The following PTPRT variants were observed in gnomAD, a reference collection of about 807,000 sequenced individuals.
PTPRT encodes the protein receptor-type tyrosine-protein phosphatase T.
Under a neutral mutation model 176.8 loss-of-function variants are expected in PTPRT, and 56 were observed. The ratio of observed to expected loss-of-function variants is 0.32; its 90% CI spans 0.26 to 0.40. The LOEUF (loss-of-function observed/expected upper bound fraction) is 0.40, where lower values mean the gene tolerates loss of function less well. Ranked by LOEUF, PTPRT falls within the 10% of genes least tolerant of loss-of-function variation. PTPRT has a pLI of 1.00. For synonymous variants in PTPRT, 783 were observed against 739.0 expected (o/e 1.06, Z -0.96); for missense variants, 1,540 against 1,908.2 (o/e 0.81, Z 3.60).
At chr20:42,047,075 G>A in the PTPRT span, among the ~76,000 whole-genome samples, 1 of 152,130 alleles carries the variant, frequency 6.6e-6, no homozygotes, top group Admixed American at 6.5e-5. Context: ...TCTCCAATGA[G>A]GAAATGAAAA....
intron 14 of PTPRT, among the ~76,000 whole-genome samples, chr20:42,242,416 T>C (rs914085760): frequency 3.9e-5 from 6 of 152,306 alleles, no homozygotes; most frequent in Admixed American, 3.3e-4. Context: ...CAGCTGATGG[T>C]CTAGTGAGGA....
At chr20:42,763,679 A>T (rs140909132) in intron 5 of PTPRT, among the ~76,000 whole-genome samples, 1 of 152,316 alleles carries the variant, frequency 6.6e-6, no homozygotes, top group East Asian at 1.9e-4. Context: ...AATCTAGCCC[A>T]TTGATTCTCT....
intron 7 of PTPRT, among the ~76,000 whole-genome samples, chr20:42,600,268 TA>T (rs2073753510): frequency 6.6e-6 from 1 of 152,096 alleles, no homozygotes; most frequent in African/African-American, 2.4e-5. Flanking sequence ...GCCTCCTGAA[TA>T]GCTGGGACTA....
intron 9 of PTPRT, among the ~76,000 whole-genome samples, chr20:42,388,537 A>G (rs2058767119): frequency 2.0e-5 from 3 of 152,234 alleles, no homozygotes; most frequent in Non-Finnish European, 4.4e-5. Context: ...GCTCATCATC[A>G]CTGGCCATCA....
intron 7 of PTPRT, among the ~76,000 whole-genome samples, chr20:42,569,570 C>G (rs1017791585): frequency 1.3e-5 from 2 of 152,170 alleles, no homozygotes; most frequent in Non-Finnish European, 2.9e-5. Context: ...CTCACTCCTG[C>G]CTGCTCCTCT....
At chr20:42,776,734 T>TAAGCATATA (rs2077141856) in intron 4 of PTPRT, among the ~76,000 whole-genome samples, 2 of 148,658 alleles carry the variant, frequency 1.3e-5, no homozygotes, top group Non-Finnish European at 3.0e-5. Flanking sequence ...TATAATTATA[T>TAAGCATATA]ATGATATGCT....
intron 7 of PTPRT, among the ~76,000 whole-genome samples, chr20:42,504,933 A>C (rs1485966722): frequency 6.6e-6 from 1 of 152,174 alleles, no homozygotes; most frequent in Admixed American, 6.5e-5. Flanking sequence ...ATGCATACAC[A>C]TCTGTGAAAT....
intron 6 of PTPRT, among the ~76,000 whole-genome samples, chr20:42,725,919 C>G (rs2076372023): frequency 6.6e-6 from 1 of 151,988 alleles, no homozygotes. Context: ...CTTTTATGCC[C>G]CTTTTGATTA....
At chr20:42,980,393 T>C (rs754403271) in intron 1 of PTPRT, among the ~76,000 whole-genome samples, 39 of 152,206 alleles carry the variant, frequency 2.6e-4, no homozygotes, top group Non-Finnish European at 1.5e-4. Flanking sequence ...ATAGATGAAC[T>C]TGTATTCGTG....
At chr20:43,124,133 A>G (rs553393016) in intron 1 of PTPRT, among the ~76,000 whole-genome samples, 7 of 152,208 alleles carry the variant, frequency 4.6e-5, no homozygotes, top group Admixed American at 2.0e-4. Context: ...TCCTCTCCCA[A>G]TTCCATCCAG....
intron 16 of PTPRT, among the ~76,000 whole-genome samples, chr20:42,164,307 A>C (rs1412876971): frequency 6.6e-6 from 1 of 152,234 alleles, no homozygotes; most frequent in African/African-American, 2.4e-5. Flanking sequence ...AATGTTTCCA[A>C]AACCAAATAG....
At chr20:42,685,606 T>C (rs1177310323) in intron 6 of PTPRT, 1 of 152,212 alleles carries the variant, frequency 6.6e-6, no homozygotes, top group African/African-American at 2.4e-5. Context: ...TAAATTCCTA[T>C]GAAAAAGTCT....
At chr20:42,726,567 G>A (rs2076384504) in intron 6 of PTPRT, among the ~76,000 whole-genome samples, 1 of 152,238 alleles carries the variant, frequency 6.6e-6, no homozygotes. Flanking sequence ...GGCAAAAGGG[G>A]CTGGTCCAGC....
intron 9 of PTPRT, among the ~76,000 whole-genome samples, chr20:42,437,185 G>C (rs889035650): frequency 4.6e-5 from 7 of 152,088 alleles, no homozygotes; most frequent in Non-Finnish European, 1.0e-4. Flanking sequence ...AAAAATTAAT[G>C]AGTAAATAAA....
intron 17 of PTPRT, among the ~76,000 whole-genome samples, chr20:42,142,219 C>A (rs191674038): frequency 1.1e-4 from 17 of 152,302 alleles, no homozygotes; most frequent in African/African-American, 4.1e-4. Flanking sequence ...TCTTCTGTGT[C>A]ATGAGTTCAC....
chr20:43,181,928 C>G (rs1474693578), intron 1 of PTPRT, among the ~76,000 whole-genome samples: 1 of 152,120 alleles, frequency 6.6e-6, no homozygotes, highest in East Asian at 1.9e-4. Context: ...GAAGGAGCTT[C>G]CAATAGCCAA....
intron 9 of PTPRT, among the ~76,000 whole-genome samples, chr20:42,396,170 C>T (rs1190162004): frequency 1.3e-5 from 2 of 152,186 alleles, no homozygotes; most frequent in African/African-American, 2.4e-5. Flanking sequence ...TTTCCTATCT[C>T]AGTTAATAGC....
At chr20:42,600,501 T>C (rs995772762) in intron 7 of PTPRT, among the ~76,000 whole-genome samples, 17 of 152,152 alleles carry the variant, frequency 1.1e-4, no homozygotes, top group Admixed American at 1.3e-4. Flanking sequence ...GGTACAATTG[T>C]AGTTGTGTTA....
At chr20:42,561,120 T>C (rs1000544797) in intron 7 of PTPRT, among the ~76,000 whole-genome samples, 3 of 152,204 alleles carry the variant, frequency 2.0e-5, no homozygotes, top group African/African-American at 7.2e-5. Flanking sequence ...CTTTGCTACA[T>C]TTAAGGACTG....
Sources: gnomAD v4.1 joint callset for allele counts (sites outside exome capture counted in the v4.1 genomes callset) on GRCh38, gnomAD v4.1.1 for gene constraint, MANE v1.5 for transcripts, NCBI Gene and HGNC (gene_info 2026-07-23, HGNC 2026-07-21) for gene names.